Variants in TMCC3 observed in about 807,000 individuals in gnomAD.
TMCC3 encodes transmembrane and coiled-coil domain protein 3.
In TMCC3, 28 loss-of-function variants were observed where a neutral mutation model predicts 40.2. That is an observed-to-expected ratio of 0.70 (90% CI 0.52 to 0.95). The LOEUF (loss-of-function observed/expected upper bound fraction) is 0.95, where lower values mean the gene tolerates loss of function less well. TMCC3 is among the 40% of genes least tolerant of loss of function. The probability of loss-of-function intolerance (pLI) is 0.00; values close to 1 mark genes in which losing one functional copy is unlikely to be tolerated. For synonymous variants in TMCC3, 255 were observed against 248.5 expected, an observed-to-expected ratio of 1.03 and a Z score of -0.25; for missense variants, 554 against 615.2, an observed-to-expected ratio of 0.90 and a Z score of 1.05.
chr12:94,581,187 T>C (rs951492672), intron 2 of TMCC3, among the ~76,000 whole-genome samples: 1 of 152,228 alleles, frequency 6.6e-6, no homozygotes, highest in Admixed American at 6.5e-5. Flanking sequence ...TTCCTATGCA[T>C]CATATACACA....
chr12:94,644,371 G>C, intron 1 of TMCC3: 1 of 985,350 alleles, frequency 1.0e-6, no homozygotes, highest in Non-Finnish European at 1.2e-6. Flanking sequence ...CATTTTCCAA[G>C]TAGGACTAGG....
intron 1 of TMCC3, among the ~76,000 whole-genome samples, chr12:94,606,922 T>A (rs551199752): frequency 2.0e-5 from 3 of 152,146 alleles, no homozygotes; most frequent in Non-Finnish European, 4.4e-5. Flanking sequence ...GAGCAGAGAA[T>A]TGGTCTGACC....
chr12:94,578,011 TG>T (rs1296826985), intron 3 of TMCC3, among the ~76,000 whole-genome samples: 4 of 151,622 alleles, frequency 2.6e-5, no homozygotes, highest in African/African-American at 9.7e-5. Flanking sequence ...TAGCCAGGCA[TG>T]GTGGCATGTG....
At position 94,640,966 on chromosome 12, in the gene TMCC3, A is replaced by G. The variant is rs574499066; in HGVS notation, c.78+9387T>C. Among the ~76,000 whole-genome samples, 15 of 152,274 alleles carry G rather than the reference A, an allele frequency of 9.9e-5. No individual in the cohort carries two copies. In the South Asian group the frequency reaches 2.9e-3, roughly 29 times the overall value. ...TGTAATCCCAGCACTTTGGGAGGCC[A>G]AGGCAGGCAGATCACCTGAGGTCAG... On this transcript the variant is annotated intron_variant, in intron 1 of 3. Transcript: ENST00000261226.
intron 1 of TMCC3, among the ~76,000 whole-genome samples, chr12:94,607,396 A>C (rs186187496): frequency 6.6e-6 from 1 of 152,232 alleles, no homozygotes; most frequent in Non-Finnish European, 1.5e-5. Flanking sequence ...AAATTACAAG[A>C]GTATTATTAC....
chr12:94,578,383 G>A lies in TMCC3; in HGVS notation c.1131+11C>T. The A allele has an allele frequency of 6.2e-7, 1 of 1,612,798 alleles. No homozygotes were observed. Among genetic ancestry groups the A allele is most frequent in the Non-Finnish European group, 8.5e-7 (1 of 1,179,172 alleles). ...GCCCAGGCCTGTGTCTAATCACAAA[G>A]GGAAAGGTACCTGGATGTCCCGCGA... On this transcript the variant is annotated intron_variant, in intron 3 of 3. Transcript: ENST00000261226.
chr12:94,635,363 C>G (rs1408232149), intron 1 of TMCC3, among the ~76,000 whole-genome samples: 2 of 152,162 alleles, frequency 1.3e-5, no homozygotes, highest in African/African-American at 4.8e-5. Context: ...GCTCTTCCAT[C>G]TCCCGAGCTG....
rs1410852598 is a variant in TMCC3 at position 94,570,668 on chromosome 12, A to G, written c.*767T>C. 6.6e-6 allele frequency: 1 copy of G among 152,666 alleles called. No homozygotes were observed. The highest frequency in any genetic ancestry group is 1.5e-5 in the Non-Finnish European group (1 of 68,048). The allele number at this position is 152,666 out of a possible 1,614,324, so 9.5% of individuals were successfully genotyped here. On this transcript the variant is annotated 3_prime_UTR_variant, in exon 4 of 4. Coordinates refer to ENST00000261226, the MANE Select transcript of TMCC3 (RefSeq NM_020698.4). ...AGGATTCCAAATTAATGTTAAAGTC[A>G]CAGTCTGATGAGGGATTTGAAAACA...
chr12:94,638,989 AACTTT>A (rs2068975048), intron 1 of TMCC3, among the ~76,000 whole-genome samples: 1 of 119,940 alleles, frequency 8.3e-6, no homozygotes, highest in African/African-American at 3.0e-5. Context: ...AATTAGGTTC[AACTTT>A]ACTTTAGAAA....
At position 94,639,778 on chromosome 12, in the gene TMCC3, A is replaced by G. The variant is rs534078577; in HGVS notation, c.78+10575T>C. ...TCAAGAGGTAAGAAAAAAAAAAAAAAAAGAAGAAGAAAAGAAAAAGAAGCA... is the reference window on the plus strand; with the variant it reads ...TCAAGAGGTAAGAAAAAAAAAAAAAGAAGAAGAAGAAAAGAAAAAGAAGCA... On this transcript the variant is annotated intron_variant, in intron 1 of 3. Coordinates refer to ENST00000261226, the MANE Select transcript of TMCC3 (RefSeq NM_020698.4). Among the ~76,000 whole-genome samples the G allele has an allele frequency of 1.8e-3, 274 of 151,254 alleles. 8 individuals are homozygous for G. The East Asian group carries it at 0.03, about 16-fold the overall frequency.
At chr12:94,572,730 G>C (rs2068540075) in intron 3 of TMCC3, among the ~76,000 whole-genome samples, 1 of 152,192 alleles carries the variant, frequency 6.6e-6, no homozygotes, top group Admixed American at 6.5e-5. Flanking sequence ...TTCAGCCAAG[G>C]AGTGTGTGGG....
intron 1 of TMCC3, among the ~76,000 whole-genome samples, chr12:94,628,651 C>T (rs1224286780): frequency 6.6e-6 from 1 of 152,200 alleles, no homozygotes; most frequent in Non-Finnish European, 1.5e-5. Context: ...GCGAGATGGA[C>T]CCTTTCCAAA....
intron 1 of TMCC3, among the ~76,000 whole-genome samples, chr12:94,630,721 TTTTTGTTTTG>T (rs373879541): frequency 6.6e-6 from 1 of 151,772 alleles, no homozygotes; most frequent in Non-Finnish European, 1.5e-5. Context: ...ACGTTTTGTG[TTTTTGTTTTG>T]TTTTGTTTTG....
chr12:94,646,304 T>C lies in TMCC3; in HGVS notation c.78+4049A>G, dbSNP rs1331136386. The stretch of plus-strand genomic sequence containing the variant: ...CAAGATGACTAGCAGTTCTGATTAG[T>C]AGTGGCACCAACAAAATAGAAAAAA... On this transcript the variant is annotated intron_variant, in intron 1 of 3. Coordinates refer to ENST00000261226, the MANE Select transcript of TMCC3 (RefSeq NM_020698.4). 2.0e-5 allele frequency among the ~76,000 whole-genome samples: 3 copies of C among 151,654 alleles called. No homozygotes were observed. The East Asian group carries it at 5.8e-4, about 29-fold the overall frequency.
At chr12:94,576,507 CCTCACT>C (rs1475491808) in intron 3 of TMCC3, among the ~76,000 whole-genome samples, 2 of 152,002 alleles carry the variant, frequency 1.3e-5, no homozygotes, top group East Asian at 3.9e-4. Context: ...AGACACAGGG[CCTCACT>C]CTGTCACCCC....
chr12:94,595,091 A>G (rs2068707536), intron 1 of TMCC3, among the ~76,000 whole-genome samples: 1 of 152,206 alleles, frequency 6.6e-6, no homozygotes, highest in African/African-American at 2.4e-5. Context: ...GATGCTAGGA[A>G]ATTCAGAATC....
intron 1 of TMCC3, among the ~76,000 whole-genome samples, chr12:94,632,673 C>T (rs945963128): frequency 3.3e-5 from 5 of 152,318 alleles, no homozygotes; most frequent in Middle Eastern, 3.4e-3. Flanking sequence ...AACTCTCCCA[C>T]GAGTACAGAG....
intron 1 of TMCC3, among the ~76,000 whole-genome samples, chr12:94,594,131 C>T (rs1385693064): frequency 2.6e-5 from 4 of 151,904 alleles, no homozygotes; most frequent in African/African-American, 7.3e-5. Context: ...GGGAAGTGTA[C>T]ATTTATTTAA....
At chr12:94,612,400 T>A (rs2068821884) in intron 1 of TMCC3, among the ~76,000 whole-genome samples, 2 of 151,888 alleles carry the variant, frequency 1.3e-5, no homozygotes, top group African/African-American at 2.4e-5. Context: ...AATCTCCGCC[T>A]CCCGAGTCCA....
Sources: gnomAD v4.1 joint callset for allele counts (sites outside exome capture counted in the v4.1 genomes callset) on GRCh38, gnomAD v4.1.1 for gene constraint, MANE v1.5 for transcripts, NCBI Gene and HGNC (gene_info 2026-07-23, HGNC 2026-07-21) for gene names.